The following SNTB1 variants were observed in gnomAD, a reference collection of about 807,000 sequenced individuals.
The protein encoded by SNTB1 is beta-1-syntrophin.
In SNTB1, 36 loss-of-function variants were observed where a neutral mutation model predicts 48.9. The observed-to-expected ratio is 0.74, with a 90% confidence interval of 0.56 to 0.97. SNTB1 has a LOEUF of 0.97. SNTB1 is among the 50% of genes least tolerant of loss of function. SNTB1 has a pLI of 0.00. For synonymous variants in SNTB1, 299 were observed against 294.6 expected (o/e 1.01, Z -0.15); for missense variants, 786 against 703.4 (o/e 1.12, Z -1.33).
chr8:120,719,775 C>T lies in SNTB1; in HGVS notation c.572-25867G>A, dbSNP rs138247881. On this transcript the variant is annotated intron_variant, in intron 1 of 6. Transcript: ENST00000517992. ...GAGACAGGGAAGACAGAAAAGCCAA[C>T]ATGGTGTGCTGGTGTCTGCTCTACT... 8.3e-3 allele frequency among the ~76,000 whole-genome samples: 1,253 copies of T among 151,806 alleles called. 7 individuals carry two copies. Among genetic ancestry groups the T allele is most frequent in the Non-Finnish European group, 0.011 (770 of 67,882 alleles).
At chr8:120,811,008 G>A (rs1434653221) in intron 1 of SNTB1, among the ~76,000 whole-genome samples, 2 of 152,152 alleles carry the variant, frequency 1.3e-5, no homozygotes, top group Non-Finnish European at 2.9e-5. Flanking sequence ...AACCCTGCTA[G>A]CCTCGCTTTT....
intron 1 of SNTB1, among the ~76,000 whole-genome samples, chr8:120,723,212 T>C (rs1235419086): frequency 1.3e-5 from 2 of 152,188 alleles, no homozygotes; most frequent in Non-Finnish European, 2.9e-5. Flanking sequence ...ATTGCAGCAA[T>C]GATACTTTTA....
chr8:120,779,562 T>A (rs1463764130), intron 1 of SNTB1, among the ~76,000 whole-genome samples: 1 of 152,118 alleles, frequency 6.6e-6, no homozygotes, highest in Non-Finnish European at 1.5e-5. Context: ...TAGAAGCTGA[T>A]GACTGAGAGC....
chr8:120,719,679 C>T (rs1818623305), intron 1 of SNTB1, among the ~76,000 whole-genome samples: 1 of 152,150 alleles, frequency 6.6e-6, no homozygotes, highest in South Asian at 2.1e-4. Context: ...GAACCCGAGA[C>T]AAGGACTTGA....
At chr8:120,743,811 A>G (rs1484265265) in intron 1 of SNTB1, among the ~76,000 whole-genome samples, 1 of 152,330 alleles carries the variant, frequency 6.6e-6, no homozygotes, top group Non-Finnish European at 1.5e-5. Flanking sequence ...GGTCCAATAC[A>G]ATAAAATGTC....
At chr8:120,720,506 T>G (rs1457980311) in intron 1 of SNTB1, among the ~76,000 whole-genome samples, 1 of 152,198 alleles carries the variant, frequency 6.6e-6, no homozygotes, top group Non-Finnish European at 1.5e-5. Context: ...CTATTGAACA[T>G]TCAATTACTG....
chr8:120,736,154 T>C (rs1818940066), intron 1 of SNTB1, among the ~76,000 whole-genome samples: 1 of 152,030 alleles, frequency 6.6e-6, no homozygotes, highest in Non-Finnish European at 1.5e-5. Context: ...ATAAAAACCA[T>C]CAGATCTTAT....
At chr8:120,731,704 C>T (rs146882672) in intron 1 of SNTB1, among the ~76,000 whole-genome samples, 248 of 152,296 alleles carry the variant, frequency 1.6e-3, no homozygotes, top group South Asian at 3.5e-3. Flanking sequence ...GGCCCTGAAT[C>T]ACCTAGCAAG....
intron 1 of SNTB1, among the ~76,000 whole-genome samples, chr8:120,756,709 A>C (rs1819323351): frequency 6.6e-6 from 1 of 152,104 alleles, no homozygotes; most frequent in Non-Finnish European, 1.5e-5. Flanking sequence ...ACCTGGATGG[A>C]ATTAACGTTC....
intron 3 of SNTB1, among the ~76,000 whole-genome samples, chr8:120,628,828 T>C (rs186764460): frequency 6.6e-6 from 1 of 152,126 alleles, no homozygotes; most frequent in African/African-American, 2.4e-5. Flanking sequence ...GCATGACCCA[T>C]CTACAGGTGA....
At chr8:120,678,329 C>A (rs1195873835) in intron 2 of SNTB1, among the ~76,000 whole-genome samples, 1 of 152,090 alleles carries the variant, frequency 6.6e-6, no homozygotes, top group Non-Finnish European at 1.5e-5. Flanking sequence ...CTTACTGGTG[C>A]CTTCTCTAGT....
chr8:120,729,221 T>G (rs919862704), intron 1 of SNTB1, among the ~76,000 whole-genome samples: 2 of 152,202 alleles, frequency 1.3e-5, no homozygotes, highest in African/African-American at 4.8e-5. Context: ...TGGTCTCAAG[T>G]GATCCGCCCA....
At chr8:120,684,105 C>T (rs1168586203) in intron 2 of SNTB1, among the ~76,000 whole-genome samples, 4 of 152,148 alleles carry the variant, frequency 2.6e-5, no homozygotes, top group Non-Finnish European at 4.4e-5. Flanking sequence ...GTTAGAGCCT[C>T]ACAGTGCCTA....
intron 2 of SNTB1, among the ~76,000 whole-genome samples, chr8:120,687,009 G>A (rs1818046117): frequency 6.6e-6 from 1 of 152,072 alleles, no homozygotes; most frequent in African/African-American, 2.4e-5. Context: ...GACTTACAGA[G>A]GAGAAAAGAC....
chr8:120,732,469 T>C (rs527286582), intron 1 of SNTB1, among the ~76,000 whole-genome samples: 26 of 152,350 alleles, frequency 1.7e-4, no homozygotes, highest in Non-Finnish European at 8.8e-5. Flanking sequence ...GTTCTTCAGG[T>C]AATTATATCA....
chr8:120,634,820 C>G (rs1488089982), intron 2 of SNTB1, among the ~76,000 whole-genome samples: 2 of 151,820 alleles, frequency 1.3e-5, no homozygotes, highest in Non-Finnish European at 2.9e-5. Context: ...AGTGAGATGT[C>G]ACTAGGGGAA....
chr8:120,543,875 C>T (rs761936864), intron 5 of SNTB1, among the ~76,000 whole-genome samples: 3 of 152,134 alleles, frequency 2.0e-5, no homozygotes, highest in African/African-American at 4.8e-5. Context: ...CCCTGCCCTC[C>T]GCCAGCCCTC....
At position 120,536,144 on chromosome 8, in the gene SNTB1, A is replaced by G. The variant is rs911719491; in HGVS notation, c.*2733T>C. ...GTCAGAGAAAGAAAAACCAATATCT[A>G]TATTCCTATTGGCCTTCTTTAAATC... On this transcript the variant is annotated 3_prime_UTR_variant, in exon 7 of 7. Transcript: ENST00000517992. 3.2e-4 allele frequency: 49 copies of G among 152,216 alleles called. No individual in the cohort carries two copies. The highest frequency in any genetic ancestry group is 1.5e-5 in the Non-Finnish European group (1 of 68,040). The allele number at this position is 152,216 out of a possible 1,614,324, so 9.4% of individuals were successfully genotyped here. A position where few individuals can be genotyped will look rare whatever the true frequency, so the allele number is the denominator to read the frequency against.
Position 120,801,767 on chromosome 8 carries a change from A to G in SNTB1, c.571+9506T>C, listed in dbSNP as rs542495485. 2.0e-3 allele frequency among the ~76,000 whole-genome samples: 299 copies of G among 152,260 alleles called. 1 individual carries two copies. Among genetic ancestry groups the G allele is most frequent in the African/African-American group, 6.7e-3 (278 of 41,560 alleles). ...CCAAAGAGTATTCACAGCTGCTCCT[A>G]TCGTTTGTCCGGGGGCCTCCCCACC... On this transcript the variant is annotated intron_variant, in intron 1 of 6. Transcript: ENST00000517992.
Sources: allele counts gnomAD v4.1 joint callset (sites outside exome capture counted in the v4.1 genomes callset), GRCh38; gene constraint gnomAD v4.1.1; transcripts MANE v1.5; gene names NCBI Gene and HGNC (gene_info 2026-07-23, HGNC 2026-07-21).